CDH12: variants seen among roughly 807,000 people sequenced by gnomAD.
The protein encoded by CDH12 is cadherin-12.
A neutral mutation model predicts 74.1 loss-of-function variants in CDH12; 41 were observed. The ratio of observed to expected loss-of-function variants is 0.55; its 90% CI spans 0.43 to 0.72. The LOEUF (loss-of-function observed/expected upper bound fraction) is 0.72. CDH12 is among the 30% of genes least tolerant of loss of function. The pLI is 0.00. For missense variants in CDH12, 945 were observed against 977.2 expected (o/e 0.97, Z 0.44); for synonymous variants, 399 against 355.0 (o/e 1.12, Z -1.39).
At chr5:22,686,004 T>C (rs1020008531) in intron 1 of CDH12, among the ~76,000 whole-genome samples, 1 of 152,202 alleles carries the variant, frequency 6.6e-6, no homozygotes, top group Non-Finnish European at 1.5e-5. Flanking sequence ...TATATTACAT[T>C]TTCATAAACA....
At chr5:22,566,603 T>C (rs1202995591) in intron 1 of CDH12, among the ~76,000 whole-genome samples, 2 of 152,178 alleles carry the variant, frequency 1.3e-5, no homozygotes, top group Non-Finnish European at 2.9e-5. Context: ...AAACAATGAA[T>C]GAATCTTCCT....
chr5:21,755,810 C>T lies in CDH12; in HGVS notation c.1666G>A (p.Gly556Arg), dbSNP rs1342429582. The change falls in exon 14 of 15, where the codon GGA becomes AGA. Residue 556 changes from glycine (G) to arginine (R), a missense_variant. This residue lies in a region of CDH12 where 791 missense variants were observed against 792.8 expected (regional missense o/e 1.00). Transcript: ENST00000382254. ...AACTCTTGCTGCCTGCGGCTGTATC[C>T]ATTTCTTCGGGTTTCAATCCCCGCT... ...NTAGIETRRN[G>R]YSRRQQELYF... The T allele has an allele frequency of 2.5e-6, 4 of 1,613,898 alleles. No homozygotes were observed. The highest frequency in any genetic ancestry group is 1.7e-5 in the Admixed American group (1 of 59,988).
chr5:22,124,787 C>A (rs950765414), intron 4 of CDH12, among the ~76,000 whole-genome samples: 2 of 152,054 alleles, frequency 1.3e-5, no homozygotes, highest in African/African-American at 4.8e-5. Context: ...TTTTTTCCTC[C>A]TTATCACTCT....
intron 2 of CDH12, among the ~76,000 whole-genome samples, chr5:22,490,217 T>C (rs566712352): frequency 2.1e-4 from 32 of 152,266 alleles, no homozygotes; most frequent in African/African-American, 7.0e-4. Flanking sequence ...ATTACGCATA[T>C]CACTCACAGG....
At chr5:22,334,111 C>A (rs1338458038) in intron 3 of CDH12, among the ~76,000 whole-genome samples, 2 of 151,974 alleles carry the variant, frequency 1.3e-5, no homozygotes, top group Non-Finnish European at 2.9e-5. Context: ...TACTATAGTA[C>A]TGGAAGTCTT....
intron 5 of CDH12, among the ~76,000 whole-genome samples, chr5:22,064,234 G>A (rs1741401879): frequency 6.6e-6 from 1 of 152,128 alleles, no homozygotes; most frequent in Non-Finnish European, 1.5e-5. Flanking sequence ...GTTCCACAGG[G>A]CCCACTGCAT....
chr5:22,365,597 G>T (rs959202853), intron 3 of CDH12, among the ~76,000 whole-genome samples: 3 of 152,190 alleles, frequency 2.0e-5, no homozygotes, highest in African/African-American at 7.2e-5. Flanking sequence ...GATGCTTGGA[G>T]AAAGTTAACT....
intron 1 of CDH12, among the ~76,000 whole-genome samples, chr5:22,847,657 C>A (rs1456815302): frequency 6.6e-6 from 1 of 151,984 alleles, no homozygotes; most frequent in East Asian, 1.9e-4. Flanking sequence ...TTGGTTATTT[C>A]CTAATAATCC....
chr5:22,080,938 C>A lies in CDH12; in HGVS notation c.-186-2076G>T, dbSNP rs1003248590. ...GGGACTATAGGTGCGTGCCACCACA[C>A]CCGGCTAATTTTTTTTATTTTTAGT... On this transcript the variant is annotated intron_variant, in intron 4 of 14. Transcript: ENST00000382254. Among the ~76,000 whole-genome samples the A allele has an allele frequency of 3.3e-5, 5 of 151,990 alleles. No homozygotes were observed. The East Asian group carries it at 9.7e-4, about 30-fold the overall frequency.
At chr5:22,736,256 A>C (rs541497627) in intron 1 of CDH12, among the ~76,000 whole-genome samples, 3 of 151,960 alleles carry the variant, frequency 2.0e-5, no homozygotes, top group African/African-American at 7.2e-5. Flanking sequence ...TGAGATATAC[A>C]TAACTTCCTC....
At chr5:22,649,638 A>T (rs1235367655) in intron 1 of CDH12, among the ~76,000 whole-genome samples, 6 of 152,050 alleles carry the variant, frequency 3.9e-5, no homozygotes, top group Admixed American at 6.6e-5. Flanking sequence ...GCTTTCTTAA[A>T]CAAACAAAAA....
At chr5:22,797,873 A>G (rs188682414) in intron 1 of CDH12, among the ~76,000 whole-genome samples, 193 of 152,322 alleles carry the variant, frequency 1.3e-3, no homozygotes, top group African/African-American at 4.3e-3. Context: ...TAAAATGCCA[A>G]TAACAATAGC....
intron 1 of CDH12, among the ~76,000 whole-genome samples, chr5:22,612,626 G>A (rs967333660): frequency 6.6e-6 from 1 of 152,048 alleles, no homozygotes; most frequent in African/African-American, 2.4e-5. Context: ...TAAAGATAAG[G>A]TGCTGTGAAT....
At chr5:22,754,077 G>A (rs561565026) in intron 1 of CDH12, among the ~76,000 whole-genome samples, 26 of 152,250 alleles carry the variant, frequency 1.7e-4, no homozygotes, top group African/African-American at 5.8e-4. Context: ...GAAGTCAAAA[G>A]CACTGAAAGG....
intron 1 of CDH12, among the ~76,000 whole-genome samples, chr5:22,822,859 T>C (rs1749781358): frequency 6.6e-6 from 1 of 152,156 alleles, no homozygotes; most frequent in African/African-American, 2.4e-5. Flanking sequence ...GAAATACCAT[T>C]TGACCCAGCC....
chr5:21,830,203 A>G (rs1748931247), intron 8 of CDH12, among the ~76,000 whole-genome samples: 1 of 135,246 alleles, frequency 7.4e-6, no homozygotes, highest in African/African-American at 3.2e-5. Context: ...CCTTCTCAAA[A>G]AAAAAAAAAA....
At chr5:21,838,441 T>A (rs1421613242) in intron 8 of CDH12, among the ~76,000 whole-genome samples, 1 of 152,052 alleles carries the variant, frequency 6.6e-6, no homozygotes, top group Non-Finnish European at 1.5e-5. Context: ...ACGCCTGTAA[T>A]CCCAGCTACT....
chr5:22,384,972 A>T (rs1246299332), intron 3 of CDH12, among the ~76,000 whole-genome samples: 1 of 152,218 alleles, frequency 6.6e-6, no homozygotes, highest in Non-Finnish European at 1.5e-5. Context: ...ATTTGTTACA[A>T]AATAAAAATT....
At chr5:22,374,416 C>A (rs1197162117) in intron 3 of CDH12, among the ~76,000 whole-genome samples, 1 of 152,104 alleles carries the variant, frequency 6.6e-6, no homozygotes, top group Non-Finnish European at 1.5e-5. Flanking sequence ...AAGTTGTCCA[C>A]TTTTACCATT....
Sources: allele counts gnomAD v4.1 joint callset (sites outside exome capture counted in the v4.1 genomes callset), GRCh38; gene constraint gnomAD v4.1.1; regional missense constraint gnomAD v4.1.1; transcripts MANE v1.5; gene names NCBI Gene and HGNC (gene_info 2026-07-23, HGNC 2026-07-21).